The following CEP128 variants were observed in gnomAD, a reference collection of about 807,000 sequenced individuals.
The protein encoded by CEP128 is centrosomal protein 128kDa.
CEP128 carries 132 observed loss-of-function variants against 156.7 expected under a neutral mutation model. The ratio of observed to expected loss-of-function variants is 0.84; its 90% confidence interval spans 0.73 to 0.97. CEP128 has a LOEUF of 0.97. CEP128 is among the 50% of genes least tolerant of loss of function. The pLI, the probability that CEP128 is intolerant of heterozygous loss-of-function variation, is 0.00. For missense variants in CEP128, 1,252 were observed against 1,281.9 expected, an observed-to-expected ratio of 0.98 and a Z score of 0.36; for synonymous variants, 469 against 448.9, an observed-to-expected ratio of 1.04 and a Z score of -0.57.
intron 8 of CEP128, among the ~76,000 whole-genome samples, chr14:80,864,261 T>A (rs1055254782): frequency 6.6e-6 from 1 of 152,198 alleles, no homozygotes; most frequent in African/African-American, 2.4e-5. Flanking sequence ...AGTAGTGAAG[T>A]TCTGGGGGAG....
intron 21 of CEP128, among the ~76,000 whole-genome samples, chr14:80,548,138 T>C (rs931258832): frequency 2.6e-5 from 4 of 151,090 alleles, no homozygotes; most frequent in African/African-American, 9.7e-5. Flanking sequence ...TCCAGCCCAA[T>C]CATGAAAAAA....
chr14:80,565,201 A>G (rs1234299420), intron 20 of CEP128, among the ~76,000 whole-genome samples: 24 of 152,146 alleles, frequency 1.6e-4, no homozygotes. Context: ...TAGTTTGCAG[A>G]CCCTGCACTG....
At chr14:80,853,699 T>C (rs1324952581) in intron 9 of CEP128, among the ~76,000 whole-genome samples, 1 of 151,962 alleles carries the variant, frequency 6.6e-6, no homozygotes, top group African/African-American at 2.4e-5. Flanking sequence ...GCCAGCATGA[T>C]TTTTCATGGA....
intron 19 of CEP128, among the ~76,000 whole-genome samples, chr14:80,707,608 C>G (rs997882586): frequency 2.6e-5 from 4 of 152,022 alleles, no homozygotes; most frequent in Admixed American, 2.6e-4. Context: ...ACATCAAACC[C>G]AAAATTTGTT....
At chr14:80,907,657 C>CAAAA (rs67715110) in intron 4 of CEP128, among the ~76,000 whole-genome samples, 1 of 64,604 alleles carries the variant, frequency 1.5e-5, no homozygotes, top group Non-Finnish European at 3.0e-5. Flanking sequence ...GACTCTGTTT[C>CAAAA]AAAAAAAAAA....
intron 19 of CEP128, among the ~76,000 whole-genome samples, chr14:80,680,113 T>C (rs1308559524): frequency 2.0e-5 from 3 of 152,070 alleles, no homozygotes; most frequent in Admixed American, 2.0e-4. Context: ...AGAACAGAAG[T>C]GTGGAAAGTG....
chr14:80,626,939 C>A (rs1048155861), intron 19 of CEP128, among the ~76,000 whole-genome samples: 5 of 152,158 alleles, frequency 3.3e-5, no homozygotes, highest in African/African-American at 9.7e-5. Context: ...CCCCCCATCA[C>A]CACCCCCAAA....
At chr14:80,777,550 T>C (rs1022272716) in intron 16 of CEP128, among the ~76,000 whole-genome samples, 19 of 152,204 alleles carry the variant, frequency 1.2e-4, no homozygotes, top group Admixed American at 1.2e-3. Flanking sequence ...AAATGATGGA[T>C]AGACATAGGT....
intron 2 of CEP128, among the ~76,000 whole-genome samples, chr14:80,932,953 T>C (rs1885552020): frequency 6.6e-6 from 1 of 152,160 alleles, no homozygotes; most frequent in South Asian, 2.1e-4. Flanking sequence ...CTTCTCTTTC[T>C]GGTTCCATGT....
chr14:80,586,912 G>A (rs1217344785), intron 19 of CEP128, among the ~76,000 whole-genome samples: 1 of 151,990 alleles, frequency 6.6e-6, no homozygotes, highest in Non-Finnish European at 1.5e-5. Context: ...ATTGAATAAA[G>A]GTATAACAAT....
rs118124229 is a variant in CEP128, at chr14:80,926,771, T to C, written c.-15-10209A>G. Among the ~76,000 whole-genome samples, 1,262 of 152,270 alleles carry C rather than the reference T, an allele frequency of 8.3e-3. 13 individuals carry two copies. Among genetic ancestry groups the C allele is most frequent in the Non-Finnish European group, 0.01 (686 of 68,014 alleles). On this transcript the variant is annotated intron_variant, in intron 2 of 24. Transcript: ENST00000555265. ...GCCCATTACAATATCTGCAGGCACA[T>C]CACAGTGCTCAGGAAGGAGAAAACT... is the stretch of plus-strand genomic sequence containing the variant.
At chr14:80,777,756 TG>T (rs1351038041) in intron 16 of CEP128, 125 bp downstream of exon 16, 21 of 693,892 alleles carry the variant, frequency 3.0e-5, no homozygotes, top group Non-Finnish European at 4.8e-5. Flanking sequence ...CTGACTTTTT[TG>T]GGGGGCACCA....
chr14:80,878,569 CCT>C (rs1382717461), intron 8 of CEP128, among the ~76,000 whole-genome samples: 1 of 152,148 alleles, frequency 6.6e-6, no homozygotes, highest in African/African-American at 2.4e-5. Flanking sequence ...TCTACTGTGC[CCT>C]GTTGGTTCTA....
chr14:80,841,736 C>T (rs1453153021), intron 9 of CEP128, among the ~76,000 whole-genome samples: 2 of 151,866 alleles, frequency 1.3e-5, no homozygotes, highest in Non-Finnish European at 2.9e-5. Flanking sequence ...GTGACAGAGA[C>T]AGGATATAGA....
intron 19 of CEP128, among the ~76,000 whole-genome samples, chr14:80,680,148 G>A (rs10132819): frequency 6.6e-6 from 1 of 152,030 alleles, no homozygotes; most frequent in African/African-American, 2.4e-5. Context: ...GCTGGAATTC[G>A]GCTCTCCCCT....
chr14:80,632,809 G>C (rs1007467168), intron 19 of CEP128, among the ~76,000 whole-genome samples: 11 of 152,108 alleles, frequency 7.2e-5, no homozygotes, highest in Admixed American at 6.6e-4. Flanking sequence ...CAAGTGGCAA[G>C]TGCATACATT....
intron 21 of CEP128, among the ~76,000 whole-genome samples, chr14:80,538,370 A>T (rs1889581909): frequency 6.6e-6 from 1 of 152,242 alleles, no homozygotes; most frequent in Non-Finnish European, 1.5e-5. Context: ...GAAGTGTAAT[A>T]GCACAAAAAT....
intron 2 of CEP128, among the ~76,000 whole-genome samples, chr14:80,938,106 C>T (rs1220560871): frequency 6.6e-6 from 1 of 151,890 alleles, no homozygotes; most frequent in Admixed American, 6.6e-5. Context: ...CTATGTTGCC[C>T]AAGGTGTTCT....
At chr14:80,771,072 A>C (rs1900487890) in intron 16 of CEP128, among the ~76,000 whole-genome samples, 1 of 152,208 alleles carries the variant, frequency 6.6e-6, no homozygotes, top group South Asian at 2.1e-4. Context: ...ACTGAAACAC[A>C]AAGTTTAAAA....
Sources: gnomAD v4.1 joint callset for allele counts (sites outside exome capture counted in the v4.1 genomes callset) on GRCh38, gnomAD v4.1.1 for gene constraint, MANE v1.5 for transcripts, NCBI Gene and HGNC (gene_info 2026-07-23, HGNC 2026-07-21) for gene names.